Variants in RAB10 observed in about 807,000 individuals in gnomAD.
RAB10 encodes the protein RAB10, member RAS oncogene family.
In RAB10, 5 loss-of-function variants were observed where a neutral mutation model predicts 25.7. The observed-to-expected ratio is 0.19, with a 90% CI of 0.10 to 0.41. The LOEUF (loss-of-function observed/expected upper bound fraction) is 0.41. RAB10 is among the 10% of genes least tolerant of loss of function. The probability of loss-of-function intolerance (pLI) is 1.00; values close to 1 mark genes in which losing one functional copy is unlikely to be tolerated. For missense variants in RAB10, 103 were observed against 245.8 expected, an observed-to-expected ratio of 0.42 and a Z score of 3.89; for synonymous variants, 89 against 86.4, an observed-to-expected ratio of 1.03 and a Z score of -0.16.
At chr2:26,042,692 A>G (rs1323624319) in intron 1 of RAB10, 1 of 152,134 alleles carries the variant, frequency 6.6e-6, no homozygotes, top group Admixed American at 6.6e-5. Flanking sequence ...TCTCGGTAGC[A>G]TATATACTAA....
intron 1 of RAB10, among the ~76,000 whole-genome samples, chr2:26,047,723 G>A (rs1408806777): frequency 4.6e-5 from 5 of 107,838 alleles, no homozygotes; most frequent in African/African-American, 7.5e-5. Flanking sequence ...TGCCTGGCCT[G>A]TTTTTTTTTT....
intron 1 of RAB10, among the ~76,000 whole-genome samples, chr2:26,037,613 T>G (rs959782287): frequency 6.6e-6 from 1 of 151,018 alleles, no homozygotes; most frequent in African/African-American, 2.4e-5. Flanking sequence ...CACTCCAGCC[T>G]GGGCAACAAG....
chr2:26,051,379 G>GTTA, intron 1 of RAB10, among the ~76,000 whole-genome samples: 2 of 19,374 alleles, frequency 1.0e-4, no homozygotes, highest in African/African-American at 4.6e-4. Context: ...CCCCCCCCCC[G>GTTA]TTTTATTGTA....
rs138249940 is a variant in RAB10, at chr2:26,092,204, G to C, written c.128-6458G>C. ...AAAAAAAAGAAAAAAGATCAGATGA[G>C]GACTTAGGAATGATCATTGGATTTG... On this transcript the variant is annotated intron_variant, in intron 1 of 5. Coordinates refer to ENST00000264710, the MANE Select transcript of RAB10 (RefSeq NM_016131.5). Among the ~76,000 whole-genome samples, 297 of 150,664 alleles carry C rather than the reference G, an allele frequency of 2.0e-3. 9 individuals carry two copies. Among genetic ancestry groups the C allele is most frequent in the Admixed American group, 0.018 (271 of 15,048 alleles).
chr2:26,063,628 T>C (rs546928086), intron 1 of RAB10, among the ~76,000 whole-genome samples: 266 of 152,332 alleles, frequency 1.7e-3, no homozygotes, highest in African/African-American at 5.7e-3. Context: ...TCCTCAACTT[T>C]TTTGCATTTT....
chr2:26,099,617 T>C (rs1300751052), intron 2 of RAB10, among the ~76,000 whole-genome samples: 1 of 131,410 alleles, frequency 7.6e-6, no homozygotes, highest in East Asian at 2.6e-4. Context: ...TTCGGCTCAC[T>C]GCAAGCTCTA....
At chr2:26,120,540 T>C (rs965343587) in intron 3 of RAB10, among the ~76,000 whole-genome samples, 1 of 152,196 alleles carries the variant, frequency 6.6e-6, no homozygotes, top group African/African-American at 2.4e-5. Flanking sequence ...GTAACATAAA[T>C]TAAGAGGCAC....
Position 26,046,100 on chromosome 2 carries a change from G to A in RAB10, c.127+11365G>A, listed in dbSNP as rs536231557. On this transcript the variant is annotated intron_variant, in intron 1 of 5. Coordinates refer to ENST00000264710, the MANE Select transcript of RAB10 (RefSeq NM_016131.5). ...AGCACTTTGGGAGGCCAAGGCCGGT[G>A]GATCACCTGAGGTCGGGAGTTCGAG... Among the ~76,000 whole-genome samples the A allele has an allele frequency of 5.3e-5, 8 of 152,276 alleles. No homozygotes were observed. The East Asian group carries it at 1.2e-3, about 22-fold the overall frequency.
rs752785965 is a variant in RAB10 at position 26,034,743 on chromosome 2, C to G, written c.127+8C>G. The G allele has an allele frequency of 6.2e-7, 1 of 1,614,006 alleles. No individual in the cohort carries two copies. The highest frequency in any genetic ancestry group is 2.2e-5 in the East Asian group (1 of 44,898). On this transcript the variant is annotated splice_region_variant and intron_variant, in intron 1 of 5. Transcript: ENST00000264710. ...CCTTTATTTCCACCATAGGTAAGAC[C>G]TGTGGGAGGACGGTGTACGGTCTCG...
chr2:26,113,405 C>T (rs1392267118), intron 3 of RAB10, among the ~76,000 whole-genome samples: 2 of 151,986 alleles, frequency 1.3e-5, no homozygotes, highest in Admixed American at 1.3e-4. Context: ...GAAACCTCGT[C>T]TCTACTAAAA....
Position 26,135,954 on chromosome 2 carries a change from A to C in RAB10, c.*933A>C, listed in dbSNP as rs1668103720. The C allele has an allele frequency of 6.6e-6, 1 of 152,632 alleles. No homozygotes were observed. Among genetic ancestry groups the C allele is most frequent in the East Asian group, 1.9e-4 (1 of 5,208 alleles). The allele number at this position is 152,632 out of a possible 1,614,324, so 9.5% of individuals were successfully genotyped here. A position where few individuals can be genotyped will look rare whatever the true frequency, so the allele number is the denominator to read the frequency against. On this transcript the variant is annotated 3_prime_UTR_variant, in exon 6 of 6. Coordinates refer to ENST00000264710, the MANE Select transcript of RAB10 (RefSeq NM_016131.5). ...AACTGCCTACTATCCAATGTCAGTTAATTGGTGTCTTCCCCCCTCATTTGC... is the reference window on the plus strand; with the variant it reads ...AACTGCCTACTATCCAATGTCAGTTCATTGGTGTCTTCCCCCCTCATTTGC...
At chr2:26,038,459 C>A (rs568911346) in intron 1 of RAB10, among the ~76,000 whole-genome samples, 1 of 151,320 alleles carries the variant, frequency 6.6e-6, no homozygotes, top group African/African-American at 2.4e-5. Context: ...GCCTCCCAAA[C>A]TGCTGGGATT....
chr2:26,074,721 T>C (rs935953924), intron 1 of RAB10, among the ~76,000 whole-genome samples: 3 of 152,118 alleles, frequency 2.0e-5, no homozygotes, highest in Admixed American at 1.3e-4. Flanking sequence ...ACCTGGCCTT[T>C]AAATGTTGAA....
At chr2:26,106,189 G>A (rs1667460367) in intron 2 of RAB10, among the ~76,000 whole-genome samples, 1 of 152,174 alleles carries the variant, frequency 6.6e-6, no homozygotes, top group Admixed American at 6.5e-5. Flanking sequence ...AGCAACTGGA[G>A]AAAACTCTTT....
intron 1 of RAB10, among the ~76,000 whole-genome samples, chr2:26,059,615 A>G (rs750957312): frequency 3.9e-5 from 6 of 152,172 alleles, no homozygotes; most frequent in South Asian, 4.1e-4. Context: ...CGATGCAGCA[A>G]TCCCACTTCC....
chr2:26,049,000 A>G (rs1186447912), intron 1 of RAB10, among the ~76,000 whole-genome samples: 1 of 152,310 alleles, frequency 6.6e-6, no homozygotes, highest in African/African-American at 2.4e-5. Context: ...ATGCGGTCCA[A>G]TTTATAAATC....
intron 1 of RAB10, among the ~76,000 whole-genome samples, chr2:26,090,525 A>G (rs190187889): frequency 1.4e-4 from 20 of 139,460 alleles, no homozygotes; most frequent in African/African-American, 4.3e-4. Context: ...TATTTTCTAT[A>G]TGTCACTTTC....
chr2:26,113,043 C>T (rs1667607362), intron 3 of RAB10, among the ~76,000 whole-genome samples: 1 of 151,992 alleles, frequency 6.6e-6, no homozygotes, highest in African/African-American at 2.4e-5. Context: ...CAAGATTGCA[C>T]CACTGCACTC....
intron 1 of RAB10, among the ~76,000 whole-genome samples, chr2:26,076,923 G>A (rs535154913): frequency 6.8e-6 from 1 of 146,988 alleles, no homozygotes; most frequent in Non-Finnish European, 1.5e-5. Context: ...CAGCCTGGGG[G>A]ACAAGAGCGA....
Sources: gnomAD v4.1 joint callset for allele counts (sites outside exome capture counted in the v4.1 genomes callset) on GRCh38, gnomAD v4.1.1 for gene constraint, MANE v1.5 for transcripts, NCBI Gene and HGNC (gene_info 2026-07-23, HGNC 2026-07-21) for gene names.